The following INPP4B variants were observed in gnomAD, a reference collection of about 807,000 sequenced individuals.
The protein encoded by INPP4B is inositol polyphosphate 4-phosphatase type II.
A neutral mutation model predicts 122.5 loss-of-function variants in INPP4B; 55 were observed. That is an observed-to-expected ratio of 0.45 (90% CI 0.36 to 0.56). The LOEUF (loss-of-function observed/expected upper bound fraction) is 0.56, where lower values mean the gene tolerates loss of function less well. Among genes scored for constraint, INPP4B ranks in the 20% least tolerant of loss-of-function variants. The probability of loss-of-function intolerance (pLI) is 0.00; values close to 1 mark genes in which losing one functional copy is unlikely to be tolerated. For synonymous variants in INPP4B, 403 were observed against 388.7 expected, an observed-to-expected ratio of 1.04 and a Z score of -0.43; for missense variants, 1,000 against 1,097.7, an observed-to-expected ratio of 0.91 and a Z score of 1.26.
chr4:142,116,615 G>A (rs1330567131), intron 21 of INPP4B, among the ~76,000 whole-genome samples: 1 of 152,162 alleles, frequency 6.6e-6, no homozygotes, highest in Non-Finnish European at 1.5e-5. Context: ...TGAAACCAAT[G>A]AGAACAAAGA....
intron 2 of INPP4B, among the ~76,000 whole-genome samples, chr4:142,477,161 T>A (rs1291199937): frequency 6.6e-6 from 1 of 151,992 alleles, no homozygotes; most frequent in Non-Finnish European, 1.5e-5. Context: ...AACCATACAG[T>A]TACATGGAAA....
At chr4:142,728,886 AAC>A (rs1017012467) in intron 1 of INPP4B, among the ~76,000 whole-genome samples, 1 of 152,180 alleles carries the variant, frequency 6.6e-6, no homozygotes, top group African/African-American at 2.4e-5. Flanking sequence ...AGAAACTAAT[AAC>A]ACATGTCTTC....
chr4:142,230,817 T>C lies in INPP4B; in HGVS notation c.836+7047A>G, dbSNP rs114468169. ...AATATACATTTTATATATCTGTAAC[T>C]GTGGCTGCAGGAGCAAAGAATCAGA... On this transcript the variant is annotated intron_variant, in intron 12 of 25. Transcript: ENST00000262992. Among the ~76,000 whole-genome samples, 743 of 152,320 alleles carry C rather than the reference T, an allele frequency of 4.9e-3. 10 individuals carry two copies. The highest frequency in any genetic ancestry group is 0.017 in the African/African-American group (709 of 41,582).
intron 25 of INPP4B, among the ~76,000 whole-genome samples, chr4:142,030,800 T>C (rs185038344): frequency 1.3e-5 from 2 of 152,290 alleles, no homozygotes; most frequent in Admixed American, 6.5e-5. Flanking sequence ...GTTATAAAAA[T>C]GATTTATTGA....
rs142630876 is a variant in INPP4B, at chr4:142,718,523, G to A, written c.-191+7316C>T. 1.3e-3 allele frequency among the ~76,000 whole-genome samples: 199 copies of A among 152,248 alleles called. 1 individual carries two copies. The highest frequency in any genetic ancestry group is 4.5e-3 in the African/African-American group (187 of 41,558). On this transcript the variant is annotated intron_variant, in intron 2 of 25. Transcript: ENST00000262992. Reference sequence around the variant, plus strand: ...CTAGATCAAGCAAACTTGTGCGTCCGCATCAGGCTCAATGATAAGAGTGTC... The same window carrying A: ...CTAGATCAAGCAAACTTGTGCGTCCACATCAGGCTCAATGATAAGAGTGTC...
At chr4:142,449,181 G>T (rs1167980148) in intron 3 of INPP4B, among the ~76,000 whole-genome samples, 1 of 152,132 alleles carries the variant, frequency 6.6e-6, no homozygotes, top group Non-Finnish European at 1.5e-5. Context: ...CATTCCAGCT[G>T]CAGACTAACA....
intron 12 of INPP4B, among the ~76,000 whole-genome samples, chr4:142,223,267 C>T (rs770537404): frequency 2.0e-4 from 31 of 151,930 alleles, no homozygotes; most frequent in Non-Finnish European, 3.1e-4. Context: ...CACTCAATTA[C>T]TATAGTAGCT....
chr4:142,801,546 A>G (rs1778009828), intron 1 of INPP4B, among the ~76,000 whole-genome samples: 1 of 152,204 alleles, frequency 6.6e-6, no homozygotes, highest in African/African-American at 2.4e-5. Context: ...TGCCAACTCC[A>G]TCTTCGACTT....
In INPP4B at chr4:142,304,134, A is replaced by G. The variant is rs182466109; in HGVS notation, c.503+1324T>C. On this transcript the variant is annotated intron_variant, in intron 9 of 25. Transcript: ENST00000262992. ...CTGCTAGTAGTCCTAAGGCAACTCA[A>G]TGTTTGACATCTCATGTTATGAATC... Among the ~76,000 whole-genome samples the G allele has an allele frequency of 2.6e-5, 4 of 152,172 alleles. No individual in the cohort carries two copies. The East Asian group carries it at 7.7e-4, about 29-fold the overall frequency.
intron 1 of INPP4B, among the ~76,000 whole-genome samples, chr4:142,803,171 C>CAAAA (rs574677089): frequency 4.8e-5 from 4 of 82,624 alleles, no homozygotes; most frequent in Non-Finnish European, 4.9e-5. Flanking sequence ...GACTACGTCT[C>CAAAA]AAAAAAAAAA....
At chr4:142,523,893 T>A (rs1826454333) in intron 2 of INPP4B, among the ~76,000 whole-genome samples, 1 of 143,134 alleles carries the variant, frequency 7.0e-6, no homozygotes, top group Non-Finnish European at 1.5e-5. Context: ...CACCTATGAG[T>A]GAGAATATGC....
At chr4:142,187,578 T>G (rs568995233) in intron 15 of INPP4B, among the ~76,000 whole-genome samples, 1 of 151,212 alleles carries the variant, frequency 6.6e-6, no homozygotes, top group African/African-American at 2.4e-5. Flanking sequence ...TATACACACA[T>G]ACACACACAC....
intron 15 of INPP4B, among the ~76,000 whole-genome samples, chr4:142,184,727 G>C (rs1832419637): frequency 6.6e-6 from 1 of 152,210 alleles, no homozygotes; most frequent in Non-Finnish European, 1.5e-5. Context: ...TAGACAAGGA[G>C]TCAGAAGAAG....
chr4:142,214,312 G>A (rs762358450), intron 12 of INPP4B, among the ~76,000 whole-genome samples: 8 of 152,110 alleles, frequency 5.3e-5, no homozygotes, highest in Non-Finnish European at 8.8e-5. Context: ...ATTCCACATA[G>A]CAGAGTTGTT....
At chr4:142,539,771 G>A (rs1828715753) in intron 2 of INPP4B, among the ~76,000 whole-genome samples, 1 of 151,836 alleles carries the variant, frequency 6.6e-6, no homozygotes, top group African/African-American at 2.4e-5. Flanking sequence ...AAATTAAAGA[G>A]TTCCTTGGGA....
intron 2 of INPP4B, among the ~76,000 whole-genome samples, chr4:142,583,120 C>T (rs1193676589): frequency 6.6e-6 from 1 of 152,080 alleles, no homozygotes; most frequent in African/African-American, 2.4e-5. Context: ...AACATTGGAT[C>T]TCTTACACCC....
chr4:142,306,229 GTT>G (rs5862582), intron 8 of INPP4B, among the ~76,000 whole-genome samples: 65,775 of 135,844 alleles, frequency 0.48, 16,683 homozygotes, highest in Non-Finnish European at 0.61. Flanking sequence ...ACTCCAAATT[GTT>G]TTTTTTTTTT....
chr4:142,396,059 T>C (rs2149057714), intron 7 of INPP4B, among the ~76,000 whole-genome samples: 1 of 152,274 alleles, frequency 6.6e-6, no homozygotes, highest in African/African-American at 2.4e-5. Flanking sequence ...TAAGTGTTCT[T>C]ACTACAGTAT....
At chr4:142,296,781 G>A in intron 9 of INPP4B, among the ~76,000 whole-genome samples, 1 of 152,156 alleles carries the variant, frequency 6.6e-6, no homozygotes, top group Non-Finnish European at 1.5e-5. Flanking sequence ...TGCATGCTTT[G>A]CATTCTCCCC....
Sources: allele counts gnomAD v4.1 joint callset (sites outside exome capture counted in the v4.1 genomes callset), GRCh38; gene constraint gnomAD v4.1.1; transcripts MANE v1.5; gene names NCBI Gene and HGNC (gene_info 2026-07-23, HGNC 2026-07-21).